DMPK: variants seen among roughly 807,000 people sequenced by gnomAD.
DMPK encodes DM1 protein kinase.
In DMPK, 32 loss-of-function variants were observed where a neutral mutation model predicts 70.3. That is an observed-to-expected ratio of 0.46 (90% CI 0.34 to 0.61). The LOEUF is 0.61. Ranked by LOEUF, DMPK falls within the 20% of genes least tolerant of loss-of-function variation. The pLI is 0.01. For missense variants in DMPK, 899 were observed against 886.0 expected (o/e 1.01, Z -0.19); for synonymous variants, 469 against 390.9 (o/e 1.20, Z -2.36).
At chr19:45,775,257 TC>T in intron 8 of DMPK, 1 of 470,052 alleles carries the variant, frequency 2.1e-6, no homozygotes, top group Non-Finnish European at 3.9e-6. Context: ...AACCTCCGCC[TC>T]CCAGGTTCAG....
rs775811905 is a variant in DMPK at position 45,771,338 on chromosome 19, G to A, written c.1647+12C>T. On this transcript the variant is annotated intron_variant, in intron 13 of 14. Coordinates refer to ENST00000291270, the MANE Select transcript of DMPK (RefSeq NM_004409.5). Reference sequence around the variant, plus strand: ...CAGCAGGTCTGAGGCAGGGGAAAGAGAGGGGTCTTACATGGGAAGGTGGAT... The same window carrying A: ...CAGCAGGTCTGAGGCAGGGGAAAGAAAGGGGTCTTACATGGGAAGGTGGAT... 7 of 1,587,988 alleles carry A rather than the reference G, an allele frequency of 4.4e-6. No individual in the cohort carries two copies. The highest frequency in any genetic ancestry group is 1.4e-5 in the African/African-American group (1 of 73,130).
At chr19:45,775,357 C>T (rs935877269) in intron 8 of DMPK, 16 of 242,632 alleles carry the variant, frequency 6.6e-5, no homozygotes, top group East Asian at 1.4e-4. Context: ...TTGGTAGAGA[C>T]GGGGTTTCGC....
At chr19:45,779,561 AAAAC>A in intron 2 of DMPK, 39 bp from the exon 3 acceptor site, 1 of 1,611,828 alleles carries the variant, frequency 6.2e-7, no homozygotes, top group Non-Finnish European at 8.5e-7. Flanking sequence ...AGACGGCGGG[AAAAC>A]AAAAGGGCTC....
intron 1 of DMPK, 36 bp downstream of exon 1, chr19:45,782,157 A>G: frequency 2.3e-6 from 1 of 437,618 alleles, no homozygotes; most frequent in Non-Finnish European, 3.3e-6. Context: ...CCCCACCCCC[A>G]CCCCATCTGC....
In DMPK at chr19:45,770,395, T is replaced by G. The variant is rs1306376240; in HGVS notation, c.*93A>C. The G allele has an allele frequency of 5.5e-5, 81 of 1,463,460 alleles. No individual in the cohort carries two copies. The Admixed American group carries it at 5.7e-4, about 10-fold the overall frequency. The allele number at this position is 1,463,460 out of a possible 1,614,324, so 90.7% of individuals were successfully genotyped here. A position where few individuals can be genotyped will look rare whatever the true frequency, so the allele number is the denominator to read the frequency against. On this transcript the variant is annotated 3_prime_UTR_variant, in exon 15 of 15. Coordinates refer to ENST00000291270, the MANE Select transcript of DMPK (RefSeq NM_004409.5). ...GGCGGAGACCCACGCTCGGAGCGGTTGTGAACTGGCAGGCGGTGGGCGCGG... is the reference window on the plus strand; with the variant it reads ...GGCGGAGACCCACGCTCGGAGCGGTGGTGAACTGGCAGGCGGTGGGCGCGG...
intron 13 of DMPK, 76 bp downstream of exon 13, chr19:45,771,274 G>A (rs772454721): frequency 3.9e-6 from 6 of 1,524,838 alleles, no homozygotes; most frequent in Non-Finnish European, 5.3e-6. Context: ...ATATCTGGAC[G>A]GGGAGACCAG....
At position 45,777,989 on chromosome 19, in the gene DMPK, C is replaced by G. The variant is rs988972137; in HGVS notation, c.676-116G>C. ...GCCCCTCCCTCTGCCTGGTCTAATA[C>G]TCCGCCACACAGATGCACACTTAAG... On this transcript the variant is annotated intron_variant, in intron 6 of 14. Transcript: ENST00000291270. This position sits in a 1 kb window ranked among gnomAD's most constrained non-coding sequence, Gnocchi z 6.7. 1 of 1,232,718 alleles carries G rather than the reference C, an allele frequency of 8.1e-7. No individual in the cohort carries two copies. Among genetic ancestry groups the G allele is most frequent in the East Asian group, 2.5e-5 (1 of 39,904 alleles). 76.4% of individuals were successfully genotyped at this position (1,232,718 alleles called of 1,614,324 possible).
At chr19:45,772,564 G>T in intron 10 of DMPK, 77 bp downstream of exon 10, 1 of 921,462 alleles carries the variant, frequency 1.1e-6, no homozygotes. Flanking sequence ...GGGCTCTACA[G>T]TGCACGCCAC....
intron 1 of DMPK, chr19:45,780,543 G>A (rs1970057484): frequency 3.8e-6 from 4 of 1,047,088 alleles, no homozygotes; most frequent in Non-Finnish European, 3.5e-6. Flanking sequence ...AAGGTCCTAT[G>A]ACTAGGAATG....
chr19:45,770,186 A>C lies in DMPK; in HGVS notation c.*302T>G. 1.5e-6 allele frequency: 1 copy of C among 680,668 alleles called. No individual in the cohort carries two copies. Among genetic ancestry groups the C allele is most frequent in the Admixed American group, 2.4e-5 (1 of 42,320 alleles). The allele number at this position is 680,668 out of a possible 1,614,324, so 42.2% of individuals were successfully genotyped here. ...GGGCCTCAGCCTGGCCGAAAGAAAG[A>C]AATGGTCTGTGATCCCCCCAGCAGC... On this transcript the variant is annotated 3_prime_UTR_variant, in exon 15 of 15. Coordinates refer to ENST00000291270, the MANE Select transcript of DMPK (RefSeq NM_004409.5).
In DMPK at chr19:45,771,906, G is replaced by A; in HGVS notation, c.1367C>T (p.Ala456Val). The change falls in exon 11 of 15, where the codon GCT becomes GTT. Residue 456 changes from alanine (A) to valine (V), a missense_variant. By Grantham distance (64) the Ala-to-Val change is moderately conservative. Coordinates refer to ENST00000291270, the MANE Select transcript of DMPK (RefSeq NM_004409.5). ...DETAEVAVPA[A>V]VPAAEAEAEV... ...GGCCTCAGCCTCTGCCGCAGGGACA[G>A]CCGCTGGAACTGCCACTTCAGCCTG... 1 of 1,596,118 alleles carries A rather than the reference G, an allele frequency of 6.3e-7. No individual in the cohort carries two copies. The highest frequency in any genetic ancestry group is 1.3e-5 in the African/African-American group (1 of 74,666).
intron 10 of DMPK, 100 bp downstream of exon 10, chr19:45,772,540 AG>A: frequency 1.5e-6 from 1 of 669,512 alleles, no homozygotes; most frequent in South Asian, 2.0e-5. Flanking sequence ...GCTTCTGTTC[AG>A]GAAGTCCCTA....
chr19:45,770,586 G>A lies in DMPK; in HGVS notation c.1792C>T (p.Leu598=). ...CAGCCCAGGGCGGCGGCACGAGACAGAACAACGGCGAACAGGAGCAGGGAA... is the reference window on the plus strand; with the variant it reads ...CAGCCCAGGGCGGCGGCACGAGACAAAACAACGGCGAACAGGAGCAGGGAA... ...ALSLLLFAVV[L]SRAAALGCIG... Residue 598 remains leucine (L), a synonymous_variant, in exon 15 of 15, where the codon CTG becomes TTG. Transcript: ENST00000291270. The A allele has an allele frequency of 1.9e-6, 3 of 1,552,440 alleles. No homozygotes were observed. The highest frequency in any genetic ancestry group is 1.7e-6 in the Non-Finnish European group (2 of 1,147,942).
Position 45,770,102 on chromosome 19 carries a change from G to A in DMPK, c.*386C>T. 1.7e-6 allele frequency: 1 copy of A among 579,346 alleles called. No individual in the cohort carries two copies. Among genetic ancestry groups the A allele is most frequent in the South Asian group, 1.8e-5 (1 of 57,058 alleles). The allele number at this position is 579,346 out of a possible 1,614,324, so 35.9% of individuals were successfully genotyped here. On this transcript the variant is annotated 3_prime_UTR_variant, in exon 15 of 15. Transcript: ENST00000291270. ...CGATAGGTGGGGGTGCGTGGAGGATGGAACACGGACGGCCCGGCTTGCTGC... is the reference window on the plus strand; with the variant it reads ...CGATAGGTGGGGGTGCGTGGAGGATAGAACACGGACGGCCCGGCTTGCTGC...
At chr19:45,773,359 G>A (rs1367029330) in intron 9 of DMPK, among the ~76,000 whole-genome samples, 1 of 152,182 alleles carries the variant, frequency 6.6e-6, no homozygotes, top group African/African-American at 2.4e-5. Context: ...CCACCGTTCA[G>A]GCCCCGCAGC....
intron 13 of DMPK, 123 bp from the exon 14 acceptor site, chr19:45,771,183 G>C (rs545063052): frequency 8.5e-7 from 1 of 1,182,194 alleles, no homozygotes; most frequent in African/African-American, 1.6e-5. Flanking sequence ...AGGGAATCTG[G>C]TGAGGCCTGA....
chr19:45,772,938 C>T (rs1312087055), intron 9 of DMPK, among the ~76,000 whole-genome samples, 186 bp from the exon 10 acceptor site: 1 of 152,202 alleles, frequency 6.6e-6, no homozygotes, highest in Non-Finnish European at 1.5e-5. Context: ...TTAGGAAAAG[C>T]CCTGCCCCTC....
Position 45,782,190 on chromosome 19 carries a change from C to T in DMPK, c.160+3G>A. 6.5e-7 allele frequency: 1 copy of T among 1,543,424 alleles called. No individual in the cohort carries two copies. ...TGCAGGAGCCCCGAGGGTAGGCACT[C>T]ACCCCACTGCAAGAAGTCGGCCACG... On this transcript the variant is annotated splice_donor_region_variant and intron_variant, in intron 1 of 14. Coordinates refer to ENST00000291270, the MANE Select transcript of DMPK (RefSeq NM_004409.5).
In DMPK at chr19:45,782,415, G is replaced by C; in HGVS notation, c.-63C>G. The C allele has an allele frequency of 6.8e-7, 1 of 1,464,700 alleles. No homozygotes were observed. The highest frequency in any genetic ancestry group is 9.0e-7 in the Non-Finnish European group (1 of 1,109,186). 90.7% of individuals were successfully genotyped at this position (1,464,700 alleles called of 1,614,324 possible). On this transcript the variant is annotated 5_prime_UTR_variant, in exon 1 of 15. Coordinates refer to ENST00000291270, the MANE Select transcript of DMPK (RefSeq NM_004409.5). ...GGGCTCGGGGTCCTCCTGTCACAGGGCCTGGCAGCCCCTGTCCAGGCCCTG... is the reference window on the plus strand; with the variant it reads ...GGGCTCGGGGTCCTCCTGTCACAGGCCCTGGCAGCCCCTGTCCAGGCCCTG...
Sources: allele counts gnomAD v4.1 joint callset (sites outside exome capture counted in the v4.1 genomes callset), GRCh38; gene constraint gnomAD v4.1.1; non-coding constraint Gnocchi (gnomAD v3.1); transcripts MANE v1.5; gene names NCBI Gene and HGNC (gene_info 2026-07-23, HGNC 2026-07-21).